LINGO2: variants seen among roughly 807,000 people sequenced by gnomAD.
LINGO2 encodes the protein leucine-rich repeat and immunoglobulin-like domain-containing nogo receptor-interacting protein 2.
Under a neutral mutation model 30.6 loss-of-function variants are expected in LINGO2, and 14 were observed. The observed-to-expected ratio is 0.46, with a 90% CI of 0.30 to 0.72. LINGO2 has a LOEUF of 0.72. Ranked by LOEUF, LINGO2 falls within the 30% of genes least tolerant of loss-of-function variation. The probability of loss-of-function intolerance (pLI) is 0.07; values close to 1 mark genes in which losing one functional copy is unlikely to be tolerated. For missense variants in LINGO2, 729 were observed against 751.7 expected, an observed-to-expected ratio of 0.97 and a Z score of 0.35; for synonymous variants, 317 against 288.5, an observed-to-expected ratio of 1.10 and a Z score of -1.00.
At position 27,990,718 on chromosome 9, in the gene LINGO2, A is replaced by T. The variant is rs550546193; in HGVS notation, c.-36+21637T>A. ...GACCAATGTAAGTGGAAGAGTCAGA[A>T]TGAAAACCCAGGTCTGCCTGACACA... On this transcript the variant is annotated intron_variant, in intron 5 of 5. Transcript: ENST00000379992. Among the ~76,000 whole-genome samples, 8 of 152,196 alleles carry T rather than the reference A, an allele frequency of 5.3e-5. No homozygotes were observed. The East Asian group carries it at 1.6e-3, about 30-fold the overall frequency.
At chr9:28,334,626 T>C (rs1199438167) in intron 3 of LINGO2, among the ~76,000 whole-genome samples, 2 of 152,040 alleles carry the variant, frequency 1.3e-5, no homozygotes, top group Non-Finnish European at 2.9e-5. Context: ...TAGGTTTGGG[T>C]GGCGTAGTGG....
intron 4 of LINGO2, among the ~76,000 whole-genome samples, chr9:28,097,124 A>T (rs779814995): frequency 3.3e-5 from 5 of 152,148 alleles, no homozygotes; most frequent in Non-Finnish European, 5.9e-5. Context: ...GCAAATCAAA[A>T]CCACAATGAG....
intron 1 of LINGO2, among the ~76,000 whole-genome samples, chr9:28,568,173 G>A (rs1554638911): frequency 6.6e-6 from 1 of 152,076 alleles, no homozygotes; most frequent in Non-Finnish European, 1.5e-5. Context: ...GGAGTCAGGT[G>A]GAGAAGTTCT....
intron 2 of LINGO2, among the ~76,000 whole-genome samples, chr9:28,421,293 T>C (rs1823185449): frequency 6.6e-6 from 1 of 151,614 alleles, no homozygotes; most frequent in Admixed American, 6.6e-5. Flanking sequence ...AGGACATCAA[T>C]AAATGAAAAA....
chr9:28,058,781 T>A (rs1411752928), intron 4 of LINGO2, among the ~76,000 whole-genome samples: 1 of 152,066 alleles, frequency 6.6e-6, no homozygotes, highest in Non-Finnish European at 1.5e-5. Flanking sequence ...TCATAATAAG[T>A]TAGCTGGGAT....
At chr9:28,308,897 A>T (rs1327476239) in intron 3 of LINGO2, among the ~76,000 whole-genome samples, 1 of 152,216 alleles carries the variant, frequency 6.6e-6, no homozygotes, top group Admixed American at 6.5e-5. Flanking sequence ...ATCTCACACC[A>T]GTTAGAATGG....
the LINGO2 span, among the ~76,000 whole-genome samples, chr9:29,093,080 G>A: frequency 6.3e-5 from 8 of 126,886 alleles, 1 homozygote; most frequent in Non-Finnish European, 1.3e-4. Flanking sequence ...GACAGAGAGA[G>A]GGACAGAGAG....
chr9:28,312,493 G>T (rs1210219025), intron 3 of LINGO2, among the ~76,000 whole-genome samples: 1 of 151,972 alleles, frequency 6.6e-6, no homozygotes, highest in East Asian at 1.9e-4. Context: ...TAAAAATAAT[G>T]ATAAAATTGC....
intron 4 of LINGO2, among the ~76,000 whole-genome samples, chr9:28,101,356 C>T (rs969256515): frequency 6.6e-6 from 1 of 151,852 alleles, no homozygotes; most frequent in Non-Finnish European, 1.5e-5. Context: ...AACAGAGCAA[C>T]CAAATGTTAG....
At chr9:28,503,342 C>A (rs117882145) in intron 1 of LINGO2, among the ~76,000 whole-genome samples, 2,793 of 152,012 alleles carry the variant, frequency 0.018, 78 homozygotes, top group East Asian at 0.091. Flanking sequence ...TTGATGAAGG[C>A]AATCCTAAAA....
chr9:28,946,432 G>C, the LINGO2 span, among the ~76,000 whole-genome samples: 2 of 152,236 alleles, frequency 1.3e-5, no homozygotes, highest in Middle Eastern at 3.4e-3. Flanking sequence ...TAGCATAGGA[G>C]GGATATGGAC....
chr9:28,304,364 T>A (rs1195326311), intron 3 of LINGO2, among the ~76,000 whole-genome samples: 1 of 151,364 alleles, frequency 6.6e-6, no homozygotes, highest in South Asian at 2.1e-4. Context: ...TACTGATTTA[T>A]AAATATATAC....
At chr9:28,104,268 T>TG (rs1391547996) in intron 4 of LINGO2, among the ~76,000 whole-genome samples, 105 of 124,228 alleles carry the variant, frequency 8.5e-4, no homozygotes, top group Non-Finnish European at 1.4e-3. Context: ...TTTTGTTTGT[T>TG]TTTTTTTTTT....
At chr9:28,849,350 G>A in the LINGO2 span, among the ~76,000 whole-genome samples, 2 of 151,988 alleles carry the variant, frequency 1.3e-5, no homozygotes, top group South Asian at 2.1e-4. Context: ...TTGCAGTTCT[G>A]TATGTGCAAT....
At chr9:28,038,411 T>C (rs1824042013) in intron 4 of LINGO2, among the ~76,000 whole-genome samples, 1 of 152,196 alleles carries the variant, frequency 6.6e-6, no homozygotes, top group Non-Finnish European at 1.5e-5. Flanking sequence ...GCCTTGCTTA[T>C]GGCTGGGCGC....
chr9:28,920,985 T>A, the LINGO2 span, among the ~76,000 whole-genome samples: 1 of 152,124 alleles, frequency 6.6e-6, no homozygotes, highest in Admixed American at 6.6e-5. Context: ...ATATATGCAT[T>A]TTTAGGAAGT....
At chr9:28,139,737 G>T (rs551314202) in intron 4 of LINGO2, among the ~76,000 whole-genome samples, 1 of 151,780 alleles carries the variant, frequency 6.6e-6, no homozygotes, top group South Asian at 2.1e-4. Flanking sequence ...AAGGTATCAC[G>T]AAATAAAAAA....
At position 28,560,995 on chromosome 9, in the gene LINGO2, A is replaced by G. The variant is rs57787336; in HGVS notation, c.-364-84970T>C. Among the ~76,000 whole-genome samples the G allele has an allele frequency of 7.6e-3, 1,157 of 152,180 alleles. 37 individuals carry two copies. In the East Asian group the frequency reaches 0.096, roughly 13 times the overall value. On this transcript the variant is annotated intron_variant, in intron 1 of 5. Transcript: ENST00000379992. The stretch of plus-strand genomic sequence containing the variant: ...TGGCCTCATTCTTCTTCTTAAACAT[A>G]TAAGTTTTGTGTAAAATACACAACG...
intron 4 of LINGO2, among the ~76,000 whole-genome samples, chr9:28,244,175 T>G (rs1470677850): frequency 6.6e-6 from 1 of 152,200 alleles, no homozygotes; most frequent in East Asian, 1.9e-4. Context: ...AGAAACTCAC[T>G]GAAAACCACA....
Sources: allele counts gnomAD v4.1 joint callset (sites outside exome capture counted in the v4.1 genomes callset), GRCh38; gene constraint gnomAD v4.1.1; transcripts MANE v1.5; gene names NCBI Gene and HGNC (gene_info 2026-07-23, HGNC 2026-07-21).